Variants in DSCAM observed in about 807,000 individuals in gnomAD.
The protein encoded by DSCAM is DS cell adhesion molecule.
Under a neutral mutation model 217.7 loss-of-function variants are expected in DSCAM, and 47 were observed. That is an observed-to-expected ratio of 0.22 (90% CI 0.17 to 0.28). DSCAM has a LOEUF of 0.28. Among genes scored for constraint, DSCAM ranks in the 10% least tolerant of loss-of-function variants. DSCAM has a pLI of 1.00. For missense variants in DSCAM, 2,080 were observed against 2,618.3 expected, an observed-to-expected ratio of 0.79 and a Z score of 4.49; for synonymous variants, 1,056 against 1,015.3, an observed-to-expected ratio of 1.04 and a Z score of -0.76.
intron 8 of DSCAM, among the ~76,000 whole-genome samples, chr21:40,323,194 G>C (rs2074279758): frequency 1.3e-5 from 2 of 152,102 alleles, no homozygotes; most frequent in Non-Finnish European, 2.9e-5. Context: ...CCTTCTTCCT[G>C]TCCTTCCCTC....
At chr21:40,746,422 C>T (rs544270341) in intron 1 of DSCAM, among the ~76,000 whole-genome samples, 2 of 145,856 alleles carry the variant, frequency 1.4e-5, no homozygotes, top group African/African-American at 5.0e-5. Context: ...ATAAAATAGA[C>T]TTTAGGTCAA....
intron 20 of DSCAM, among the ~76,000 whole-genome samples, chr21:40,121,889 A>G (rs2090039105): frequency 1.3e-5 from 2 of 151,674 alleles, no homozygotes; most frequent in South Asian, 2.1e-4. Flanking sequence ...GCGGAGTTTC[A>G]TACGTTGGCC....
At chr21:40,160,065 G>A (rs1452372085) in intron 16 of DSCAM, among the ~76,000 whole-genome samples, 1 of 152,150 alleles carries the variant, frequency 6.6e-6, no homozygotes, top group Non-Finnish European at 1.5e-5. Context: ...TTAATCAAGG[G>A]ACCACCTTAT....
chr21:40,502,122 T>TTATAA (rs1767837228), intron 3 of DSCAM, among the ~76,000 whole-genome samples: 1 of 152,166 alleles, frequency 6.6e-6, no homozygotes, highest in Non-Finnish European at 1.5e-5. Context: ...AAATTTATCA[T>TTATAA]GTTTTAAAAT....
Position 40,495,722 on chromosome 21 carries a change from A to G in DSCAM, c.509-126477T>C, listed in dbSNP as rs374031296. Reference sequence around the variant, plus strand: ...AAGGAATTAAAAACATCCAAATTGGAAAAAAAAGAAGTTAAATTGTCACTG... The same window carrying G: ...AAGGAATTAAAAACATCCAAATTGGGAAAAAAAGAAGTTAAATTGTCACTG... On this transcript the variant is annotated intron_variant, in intron 3 of 32. Transcript: ENST00000400454. 1.8e-4 allele frequency among the ~76,000 whole-genome samples: 28 copies of G among 152,130 alleles called. No homozygotes were observed. The Middle Eastern group carries it at 0.017, about 92-fold the overall frequency.
At chr21:40,051,292 C>T (rs540930414) in intron 30 of DSCAM, among the ~76,000 whole-genome samples, 1 of 152,252 alleles carries the variant, frequency 6.6e-6, no homozygotes, top group African/African-American at 2.4e-5. Flanking sequence ...TTAATAAGCT[C>T]TAGATACATA....
chr21:40,347,555 G>A, intron 6 of DSCAM, 115 bp downstream of exon 6: 1 of 1,395,056 alleles, frequency 7.2e-7, no homozygotes. Context: ...ACTAGCTGGT[G>A]AGACAGAGAG....
chr21:40,819,592 C>A (rs1307555314), intron 1 of DSCAM, among the ~76,000 whole-genome samples: 1 of 152,214 alleles, frequency 6.6e-6, no homozygotes, highest in East Asian at 1.9e-4. Context: ...CTCAGTCAAC[C>A]AACGAGATCA....
intron 8 of DSCAM, among the ~76,000 whole-genome samples, chr21:40,321,707 A>C (rs73371761): frequency 0.14 from 20,267 of 149,148 alleles, 2,230 homozygotes; most frequent in African/African-American, 0.31. Flanking sequence ...GCGAGCATTT[A>C]CCTCTGCTCC....
chr21:40,260,577 A>C (rs979150085), intron 11 of DSCAM, among the ~76,000 whole-genome samples: 1 of 152,222 alleles, frequency 6.6e-6, no homozygotes, highest in African/African-American at 2.4e-5. Context: ...CCTCAAGAGA[A>C]AAGTGAGCAT....
intron 3 of DSCAM, among the ~76,000 whole-genome samples, chr21:40,423,199 C>A (rs563249638): frequency 6.6e-6 from 1 of 152,318 alleles, no homozygotes; most frequent in East Asian, 1.9e-4. Flanking sequence ...GTGGCATATG[C>A]GAGCATCTAG....
At chr21:40,704,344 T>C (rs1271188918) in intron 2 of DSCAM, among the ~76,000 whole-genome samples, 1 of 152,212 alleles carries the variant, frequency 6.6e-6, no homozygotes, top group Admixed American at 6.5e-5. Flanking sequence ...TTCCCCCATA[T>C]CTTTTCATAG....
chr21:40,778,689 T>TGTGA (rs2091511517), intron 1 of DSCAM, among the ~76,000 whole-genome samples: 1 of 151,582 alleles, frequency 6.6e-6, no homozygotes, highest in Non-Finnish European at 1.5e-5. Context: ...CAAATAGAAG[T>TGTGA]CAAAAGTAAG....
intron 1 of DSCAM, among the ~76,000 whole-genome samples, chr21:40,776,212 A>C (rs749180240): frequency 2.6e-5 from 4 of 151,946 alleles, no homozygotes; most frequent in Non-Finnish European, 4.4e-5. Flanking sequence ...CTCTAATATA[A>C]TTTTTTATAT....
intron 1 of DSCAM, among the ~76,000 whole-genome samples, chr21:40,723,703 A>G (rs2090926407): frequency 6.6e-6 from 1 of 152,206 alleles, no homozygotes; most frequent in Non-Finnish European, 1.5e-5. Context: ...AAGAAGTAAC[A>G]ATCTGTATTT....
At chr21:40,697,160 ATG>A (rs1391708099) in intron 2 of DSCAM, among the ~76,000 whole-genome samples, 1 of 152,072 alleles carries the variant, frequency 6.6e-6, no homozygotes, top group Non-Finnish European at 1.5e-5. Context: ...AAAACATGTA[ATG>A]TGTGTCTGTC....
chr21:40,405,807 G>A (rs754568149), intron 3 of DSCAM, among the ~76,000 whole-genome samples: 26 of 152,072 alleles, frequency 1.7e-4, no homozygotes, highest in Non-Finnish European at 3.1e-4. Flanking sequence ...GACCAGCCTG[G>A]CTAACACAGC....
chr21:40,246,950 T>C (rs980820765), intron 11 of DSCAM, among the ~76,000 whole-genome samples: 3 of 152,112 alleles, frequency 2.0e-5, no homozygotes. Flanking sequence ...TATAGCTCCA[T>C]ATGGCTGGGG....
At chr21:40,420,908 A>G (rs1375734981) in intron 3 of DSCAM, among the ~76,000 whole-genome samples, 1 of 152,198 alleles carries the variant, frequency 6.6e-6, no homozygotes, top group Admixed American at 6.5e-5. Flanking sequence ...TCAGACTTCC[A>G]GCCTCCAAAA....
Sources: gnomAD v4.1 joint callset for allele counts (sites outside exome capture counted in the v4.1 genomes callset) on GRCh38, gnomAD v4.1.1 for gene constraint, MANE v1.5 for transcripts, NCBI Gene and HGNC (gene_info 2026-07-23, HGNC 2026-07-21) for gene names.